CNTNAP2: variants seen among roughly 807,000 people sequenced by gnomAD.
CNTNAP2 encodes contactin-associated protein-like 2.
Under a neutral mutation model 155.2 loss-of-function variants are expected in CNTNAP2, and 98 were observed. That is an observed-to-expected ratio of 0.63 (90% CI 0.54 to 0.75). The LOEUF (loss-of-function observed/expected upper bound fraction) is 0.75, where lower values mean the gene tolerates loss of function less well. Among genes scored for constraint, CNTNAP2 ranks in the 30% least tolerant of loss-of-function variants. CNTNAP2 has a pLI of 0.00. For synonymous variants in CNTNAP2, 651 were observed against 631.2 expected, an observed-to-expected ratio of 1.03 and a Z score of -0.47; for missense variants, 1,727 against 1,688.1, an observed-to-expected ratio of 1.02 and a Z score of -0.40.
intron 1 of CNTNAP2, among the ~76,000 whole-genome samples, chr7:146,561,861 C>T (rs1308602775): frequency 1.3e-5 from 2 of 152,106 alleles, no homozygotes; most frequent in Non-Finnish European, 2.9e-5. Context: ...GCAATCATGG[C>T]TCACTGCAGC....
chr7:146,599,590 C>T (rs925687364), intron 1 of CNTNAP2, among the ~76,000 whole-genome samples: 6 of 145,568 alleles, frequency 4.1e-5, no homozygotes, highest in Admixed American at 2.0e-4. Context: ...TTTTCCCCGC[C>T]GCCCATAATT....
At chr7:146,168,775 A>G (rs1798348824) in intron 1 of CNTNAP2, among the ~76,000 whole-genome samples, 1 of 152,200 alleles carries the variant, frequency 6.6e-6, no homozygotes, top group Non-Finnish European at 1.5e-5. Flanking sequence ...GCTTTTACCC[A>G]AGAACTATTT....
intron 21 of CNTNAP2, among the ~76,000 whole-genome samples, chr7:148,348,421 A>G (rs986368600): frequency 6.6e-6 from 1 of 152,236 alleles, no homozygotes. Context: ...CCAATAACCC[A>G]TCATTCAGTT....
In CNTNAP2 at chr7:146,418,241, C is replaced by G. The variant is rs1194878661; in HGVS notation, c.97+301268C>G. ...GTGAATGGTCTCAGCCTGGAGTTCT[C>G]TCTAGTTGCTCTGACTTGCATAACT... On this transcript the variant is annotated intron_variant, in intron 1 of 23. Coordinates refer to ENST00000361727, the MANE Select transcript of CNTNAP2 (RefSeq NM_014141.6). Among the ~76,000 whole-genome samples the G allele has an allele frequency of 2.0e-5, 3 of 152,210 alleles. No homozygotes were observed. In the South Asian group the frequency reaches 6.2e-4, roughly 31 times the overall value.
At chr7:147,691,118 G>T (rs575268614) in intron 13 of CNTNAP2, among the ~76,000 whole-genome samples, 2 of 152,160 alleles carry the variant, frequency 1.3e-5, no homozygotes, top group African/African-American at 4.8e-5. Context: ...CTTAATCATA[G>T]ATCACATTAA....
At chr7:147,621,199 A>G (rs1000689422) in intron 12 of CNTNAP2, among the ~76,000 whole-genome samples, 1 of 152,170 alleles carries the variant, frequency 6.6e-6, no homozygotes, top group African/African-American at 2.4e-5. Context: ...GAGGGATTTT[A>G]TCAACACCAG....
intron 1 of CNTNAP2, among the ~76,000 whole-genome samples, chr7:146,653,895 T>C (rs1355179981): frequency 6.6e-6 from 1 of 152,162 alleles, no homozygotes. Flanking sequence ...AACTGGTTAG[T>C]GGCAGAAGTA....
chr7:147,369,651 G>A (rs73740615), intron 9 of CNTNAP2, among the ~76,000 whole-genome samples: 2,975 of 152,232 alleles, frequency 0.02, 97 homozygotes, highest in African/African-American at 0.068. Flanking sequence ...AGAAGCAGTC[G>A]TAGACAATAT....
In CNTNAP2 at chr7:147,124,918, A is replaced by G. The variant is rs184891464; in HGVS notation, c.939+3755A>G. 2.8e-3 allele frequency among the ~76,000 whole-genome samples: 321 copies of G among 115,148 alleles called. 1 individual carries two copies. Among genetic ancestry groups the G allele is most frequent in the African/African-American group, 0.011 (303 of 28,462 alleles). 75.5% of individuals were successfully genotyped at this position (115,148 alleles called of 152,430 possible). ...TTTTTTTGAGATGAAGTCTTGCTCT[A>G]TCACTAGGCTGGAGTGCAGTGGCGC... On this transcript the variant is annotated intron_variant, in intron 6 of 23. Transcript: ENST00000361727.
chr7:147,924,123 T>TTTTTCTTTTC (rs753679772), intron 14 of CNTNAP2, among the ~76,000 whole-genome samples: 1 of 125,250 alleles, frequency 8.0e-6, no homozygotes. Context: ...TCTAAGCACT[T>TTTTTCTTTTC]TTTTCTTTTC....
intron 1 of CNTNAP2, among the ~76,000 whole-genome samples, chr7:146,740,134 G>A (rs1801687284): frequency 6.6e-6 from 1 of 151,762 alleles, no homozygotes; most frequent in Non-Finnish European, 1.5e-5. Context: ...CTTTTTTTCA[G>A]TCCTTGTCAT....
chr7:147,823,157 C>T (rs1183403801), intron 13 of CNTNAP2, among the ~76,000 whole-genome samples: 5 of 152,280 alleles, frequency 3.3e-5, no homozygotes, highest in Admixed American at 1.3e-4. Context: ...CTTGCTTTTC[C>T]CTTCTACCTT....
intron 22 of CNTNAP2, among the ~76,000 whole-genome samples, chr7:148,401,393 TTTACAAGTGCCCACAATA>T (rs779800823): frequency 1.3e-5 from 2 of 152,208 alleles, no homozygotes; most frequent in Middle Eastern, 3.2e-3. Flanking sequence ...CAATCAATAC[TTTACAAGTGCCCACAATA>T]TTTTACAATA....
Position 147,606,607 on chromosome 7 carries a change from T to TGTAAG in CNTNAP2, c.1898-32497_1898-32493dup, listed in dbSNP as rs1801068234. ...ACTAGAGTACCAATACCAGATAACCTGTAAGGGAATAAGGATTAAACAGTG... is the reference window on the plus strand; with the variant it reads ...ACTAGAGTACCAATACCAGATAACCTGTAAGGTAAGGGAATAAGGATTAAACAGTG... On this transcript the variant is annotated intron_variant, in intron 12 of 23. Transcript: ENST00000361727. Among the ~76,000 whole-genome samples, 3 of 152,282 alleles carry TGTAAG rather than the reference T, an allele frequency of 2.0e-5. No individual in the cohort carries two copies. In the South Asian group the frequency reaches 6.2e-4, roughly 32 times the overall value.
intron 8 of CNTNAP2, chr7:147,146,363 C>T (rs899710585): frequency 6.5e-5 from 10 of 152,858 alleles, no homozygotes; most frequent in Non-Finnish European, 1.3e-4. Flanking sequence ...TTGCTTAGCT[C>T]TGGGAGGAGG....
intron 12 of CNTNAP2, among the ~76,000 whole-genome samples, chr7:147,581,590 G>C (rs145592406): frequency 3.1e-3 from 479 of 152,306 alleles, no homozygotes; most frequent in African/African-American, 0.011. Flanking sequence ...CATAAAGGCA[G>C]GTTCCAGTAG....
chr7:146,118,880 A>G (rs747302537), intron 1 of CNTNAP2, among the ~76,000 whole-genome samples: 18 of 152,090 alleles, frequency 1.2e-4, no homozygotes, highest in Non-Finnish European at 2.2e-4. Context: ...TGGCTTAATT[A>G]AGGTGGCTTT....
intron 9 of CNTNAP2, among the ~76,000 whole-genome samples, chr7:147,394,743 A>C (rs1235544250): frequency 6.6e-6 from 1 of 151,506 alleles, no homozygotes; most frequent in East Asian, 1.9e-4. Flanking sequence ...ATTTAGCAAT[A>C]AACTCTTAAT....
intron 1 of CNTNAP2, among the ~76,000 whole-genome samples, chr7:146,588,518 AT>A (rs72034206): frequency 0.18 from 25,375 of 140,462 alleles, 4,616 homozygotes; most frequent in African/African-American, 0.46. Context: ...TATTATATGT[AT>A]TTTTTTTTTT....
Sources: gnomAD v4.1 joint callset for allele counts (sites outside exome capture counted in the v4.1 genomes callset) on GRCh38, gnomAD v4.1.1 for gene constraint, MANE v1.5 for transcripts, NCBI Gene and HGNC (gene_info 2026-07-23, HGNC 2026-07-21) for gene names.